Variants in VWA8 observed in about 807,000 individuals in gnomAD.
VWA8 encodes von Willebrand factor A domain-containing protein 8.
VWA8 carries 221 observed loss-of-function variants against 241.5 expected under a neutral mutation model. The observed-to-expected ratio is 0.91, with a 90% CI of 0.82 to 1.02. The LOEUF (loss-of-function observed/expected upper bound fraction) is 1.02, where lower values mean the gene tolerates loss of function less well. Among genes scored for constraint, VWA8 ranks in the 50% least tolerant of loss-of-function variants. The pLI, the probability that VWA8 is intolerant of heterozygous loss-of-function variation, is 0.00. For synonymous variants in VWA8, 852 were observed against 827.1 expected, an observed-to-expected ratio of 1.03 and a Z score of -0.52; for missense variants, 2,322 against 2,328.7, an observed-to-expected ratio of 1.00 and a Z score of 0.06.
chr13:41,640,018 C>T (rs1167846748), intron 37 of VWA8, among the ~76,000 whole-genome samples: 1 of 152,080 alleles, frequency 6.6e-6, no homozygotes, highest in African/African-American at 2.4e-5. Context: ...AAGCAAAGTG[C>T]TCTTTATGTG....
intron 20 of VWA8, among the ~76,000 whole-genome samples, chr13:41,772,246 G>A (rs1328971783): frequency 6.6e-6 from 1 of 152,060 alleles, no homozygotes; most frequent in South Asian, 2.1e-4. Context: ...TGATTCTATA[G>A]CCCCCAATTT....
chr13:41,703,892 T>G (rs1322964725), intron 26 of VWA8, among the ~76,000 whole-genome samples: 2 of 151,942 alleles, frequency 1.3e-5, no homozygotes, highest in Non-Finnish European at 2.9e-5. Flanking sequence ...ATTCTTTTGT[T>G]TTAGCCTTCC....
intron 12 of VWA8, among the ~76,000 whole-genome samples, chr13:41,843,927 C>T (rs1872172237): frequency 6.6e-6 from 1 of 152,124 alleles, no homozygotes; most frequent in African/African-American, 2.4e-5. Flanking sequence ...GAGCTGGTAC[C>T]AATTCTACTG....
chr13:41,568,310 C>T lies in VWA8; in HGVS notation c.5610-5G>A, dbSNP rs904068906. 6.8e-6 allele frequency: 11 copies of T among 1,613,586 alleles called. No homozygotes were observed. In the Admixed American group the frequency reaches 1.3e-4, roughly 20 times the overall value. On this transcript the variant is annotated splice_region_variant and splice_polypyrimidine_tract_variant and intron_variant, in intron 44 of 44. Transcript: ENST00000379310. ...GCTGGTAAAGTTCTCTGAAGCCTGC[C>T]AGGATGGAAAGGGAAAGGAAGTTAC...
rs892076171 is a variant in VWA8, at chr13:41,926,391, G to C, written c.242-14223C>G. On this transcript the variant is annotated intron_variant, in intron 2 of 44. Coordinates refer to ENST00000379310, the MANE Select transcript of VWA8 (RefSeq NM_015058.2). ...GGATGAACTGGGATTCCTAAAGATT[G>C]AAACTCCCATGGTGAACATCATCCC... 4 of 548,772 alleles carry C rather than the reference G, an allele frequency of 7.3e-6. No individual in the cohort carries two copies. The African/African-American group carries it at 7.6e-5, about 10-fold the overall frequency. The allele number at this position is 548,772 out of a possible 1,614,324, so 34.0% of individuals were successfully genotyped here.
chr13:41,827,674 T>A (rs1437215261), intron 14 of VWA8, among the ~76,000 whole-genome samples: 1 of 152,224 alleles, frequency 6.6e-6, no homozygotes, highest in African/African-American at 2.4e-5. Flanking sequence ...TTTCTCCCAG[T>A]GACCTCTGGA....
intron 24 of VWA8, among the ~76,000 whole-genome samples, chr13:41,722,936 T>C (rs1287360658): frequency 1.3e-5 from 2 of 152,120 alleles, no homozygotes; most frequent in African/African-American, 2.4e-5. Flanking sequence ...ACATACTGTG[T>C]AGGACACTGC....
intron 39 of VWA8, among the ~76,000 whole-genome samples, chr13:41,608,858 C>T (rs1359479645): frequency 1.3e-5 from 2 of 152,152 alleles, no homozygotes; most frequent in Admixed American, 6.6e-5. Context: ...TATGTAAGGG[C>T]TGGTATCTAG....
At chr13:41,677,543 C>T (rs1044652943) in intron 35 of VWA8, among the ~76,000 whole-genome samples, 2 of 152,098 alleles carry the variant, frequency 1.3e-5, no homozygotes, top group Non-Finnish European at 2.9e-5. Context: ...TGGCTTCAAA[C>T]CCAGGCCTCT....
rs530156982 is a variant in VWA8, at chr13:41,782,780, C to T, written c.2277+1015G>A. Among the ~76,000 whole-genome samples, 3 of 151,884 alleles carry T rather than the reference C, an allele frequency of 2.0e-5. No homozygotes were observed. The South Asian group carries it at 6.2e-4, about 32-fold the overall frequency. ...TAGTTGTTTTACTATAAAAGTAATA[C>T]ACAGCCACTTGACAGAAAAGTTGGA... is the stretch of plus-strand genomic sequence containing the variant. On this transcript the variant is annotated intron_variant, in intron 19 of 44. Coordinates refer to ENST00000379310, the MANE Select transcript of VWA8 (RefSeq NM_015058.2).
At chr13:41,827,779 T>G (rs868405222) in intron 14 of VWA8, among the ~76,000 whole-genome samples, 1 of 152,220 alleles carries the variant, frequency 6.6e-6, no homozygotes, top group Non-Finnish European at 1.5e-5. Flanking sequence ...TTAACCACTC[T>G]GAGCCAAATT....
chr13:41,743,355 A>T (rs985621063), intron 21 of VWA8, among the ~76,000 whole-genome samples: 2 of 152,204 alleles, frequency 1.3e-5, no homozygotes, highest in African/African-American at 4.8e-5. Flanking sequence ...GTCACGAATG[A>T]TTCTATTCCC....
rs34482437 is a variant in VWA8, at chr13:41,645,529, G to A, written c.4611+25417C>T. Among the ~76,000 whole-genome samples, 574 of 152,234 alleles carry A rather than the reference G, an allele frequency of 3.8e-3. 1 individual carries two copies. Among genetic ancestry groups the A allele is most frequent in the South Asian group, 0.016 (75 of 4,816 alleles). On this transcript the variant is annotated intron_variant, in intron 37 of 44. Coordinates refer to ENST00000379310, the MANE Select transcript of VWA8 (RefSeq NM_015058.2). ...TCACTCAGTGTTCTGCCCAGATTGC[G>A]GCAGGCCCCTTTTTATGGCTCTGGC...
intron 12 of VWA8, among the ~76,000 whole-genome samples, chr13:41,861,619 G>T (rs1260874819): frequency 1.3e-5 from 2 of 152,114 alleles, no homozygotes; most frequent in Non-Finnish European, 2.9e-5. Flanking sequence ...CAAAGTCAAG[G>T]TACAAAAATA....
intron 2 of VWA8, among the ~76,000 whole-genome samples, chr13:41,930,259 C>G (rs897106487): frequency 6.6e-6 from 1 of 152,026 alleles, no homozygotes; most frequent in African/African-American, 2.4e-5. Context: ...GAAAAGAGTG[C>G]GCACTGTTGG....
At chr13:41,816,103 C>T (rs552249183) in intron 16 of VWA8, among the ~76,000 whole-genome samples, 1 of 152,116 alleles carries the variant, frequency 6.6e-6, no homozygotes, top group Admixed American at 6.5e-5. Flanking sequence ...ACAATGATCT[C>T]GGTGTATCCA....
chr13:41,933,149 T>A (rs1284176179), intron 2 of VWA8, among the ~76,000 whole-genome samples: 1 of 151,924 alleles, frequency 6.6e-6, no homozygotes, highest in East Asian at 1.9e-4. Context: ...GCCTCAAGAT[T>A]CAAGATTAGT....
intron 12 of VWA8, among the ~76,000 whole-genome samples, chr13:41,858,808 T>C (rs1039670003): frequency 6.6e-6 from 1 of 151,958 alleles, no homozygotes; most frequent in Non-Finnish European, 1.5e-5. Flanking sequence ...TTAGATAGCA[T>C]TGTAAGAGCT....
chr13:41,645,337 C>T (rs947913777), intron 37 of VWA8, among the ~76,000 whole-genome samples: 3 of 152,144 alleles, frequency 2.0e-5, no homozygotes, highest in South Asian at 4.1e-4. Context: ...GAAAAAATAA[C>T]TCCGGATTTT....
Sources: gnomAD v4.1 joint callset for allele counts (sites outside exome capture counted in the v4.1 genomes callset) on GRCh38, gnomAD v4.1.1 for gene constraint, MANE v1.5 for transcripts, NCBI Gene and HGNC (gene_info 2026-07-23, HGNC 2026-07-21) for gene names.